Variants in DLG2 observed in about 807,000 individuals in gnomAD.
DLG2 encodes the protein discs large MAGUK scaffold protein 2.
A neutral mutation model predicts 132.5 loss-of-function variants in DLG2; 45 were observed. The ratio of observed to expected loss-of-function variants is 0.34; its 90% confidence interval spans 0.27 to 0.44. DLG2 has a LOEUF of 0.44. Ranked by LOEUF, DLG2 falls within the 20% of genes least tolerant of loss-of-function variation. The pLI is 1.00. For missense variants in DLG2, 1,045 were observed against 1,196.9 expected (o/e 0.87, Z 1.87); for synonymous variants, 424 against 419.6 (o/e 1.01, Z -0.13).
intron 3 of DLG2, among the ~76,000 whole-genome samples, chr11:85,451,318 G>A (rs979543366): frequency 6.6e-6 from 1 of 152,208 alleles, no homozygotes. Context: ...AGCAGACCAA[G>A]TCACCAACAT....
intron 7 of DLG2, among the ~76,000 whole-genome samples, chr11:84,508,336 A>T (rs188495727): frequency 1.3e-5 from 2 of 150,682 alleles, no homozygotes; most frequent in East Asian, 3.9e-4. Flanking sequence ...TCTCTCTCCA[A>T]TATATTGTGC....
chr11:84,274,966 C>A (rs1459418448), intron 7 of DLG2, among the ~76,000 whole-genome samples: 1 of 152,168 alleles, frequency 6.6e-6, no homozygotes, highest in Non-Finnish European at 1.5e-5. Context: ...GACCAGCCAG[C>A]CCACAACTTT....
intron 6 of DLG2, among the ~76,000 whole-genome samples, chr11:85,063,717 C>A (rs951476601): frequency 6.6e-6 from 1 of 151,532 alleles, no homozygotes; most frequent in African/African-American, 2.4e-5. Context: ...AATATAAAAT[C>A]TAGGCTGTAA....
chr11:85,406,353 A>G (rs745972583), intron 3 of DLG2, among the ~76,000 whole-genome samples: 16 of 151,940 alleles, frequency 1.1e-4, no homozygotes, highest in Admixed American at 3.3e-4. Flanking sequence ...GCTTCATGAG[A>G]GAATCTCAGA....
chr11:84,417,530 G>A (rs889840763), intron 7 of DLG2, among the ~76,000 whole-genome samples: 5 of 152,002 alleles, frequency 3.3e-5, no homozygotes, highest in African/African-American at 1.2e-4. Context: ...TCATCTATTT[G>A]CCTTCCAGGT....
At chr11:84,564,258 T>A (rs972379150) in intron 6 of DLG2, among the ~76,000 whole-genome samples, 3 of 152,210 alleles carry the variant, frequency 2.0e-5, no homozygotes, top group African/African-American at 7.2e-5. Context: ...TTGCCTCTTA[T>A]GCCTGTTACA....
intron 3 of DLG2, among the ~76,000 whole-genome samples, chr11:85,313,967 T>C (rs1186000739): frequency 1.3e-5 from 2 of 152,004 alleles, no homozygotes; most frequent in African/African-American, 4.8e-5. Flanking sequence ...ACTCCCTCTG[T>C]GTTTAAAATT....
chr11:84,852,942 T>C (rs1054809020), intron 6 of DLG2, among the ~76,000 whole-genome samples: 2 of 152,054 alleles, frequency 1.3e-5, no homozygotes, highest in African/African-American at 4.8e-5. Flanking sequence ...AAAGCTAAAC[T>C]TACTTTTTAA....
intron 6 of DLG2, among the ~76,000 whole-genome samples, chr11:84,691,652 T>G (rs1175290193): frequency 3.3e-5 from 5 of 151,610 alleles, no homozygotes; most frequent in African/African-American, 4.8e-5. Flanking sequence ...TTAATTCAGT[T>G]TAGCTTTTTT....
At chr11:85,093,170 G>A (rs2069098164) in intron 6 of DLG2, among the ~76,000 whole-genome samples, 2 of 152,164 alleles carry the variant, frequency 1.3e-5, no homozygotes, top group Admixed American at 1.3e-4. Flanking sequence ...ATCAGCAAGT[G>A]TTATTGATTC....
intron 6 of DLG2, among the ~76,000 whole-genome samples, chr11:84,824,040 C>T (rs1269290334): frequency 6.6e-6 from 1 of 151,880 alleles, no homozygotes; most frequent in Non-Finnish European, 1.5e-5. Context: ...AACTAACAAA[C>T]TGGCATTGGG....
At chr11:85,129,527 T>C (rs559033260) in intron 5 of DLG2, among the ~76,000 whole-genome samples, 1 of 152,338 alleles carries the variant, frequency 6.6e-6, no homozygotes, top group Non-Finnish European at 1.5e-5. Flanking sequence ...GGTTTTGATT[T>C]GCATTTCTCT....
At chr11:83,682,242 C>T (rs2078953950) in intron 18 of DLG2, 2 of 985,390 alleles carry the variant, frequency 2.0e-6, no homozygotes, top group Non-Finnish European at 1.2e-6. Flanking sequence ...CCAGGTTCTC[C>T]TGTCTGCTGT....
At chr11:83,530,096 G>A (rs140000191) in intron 21 of DLG2, among the ~76,000 whole-genome samples, 3,825 of 149,904 alleles carry the variant, frequency 0.026, 156 homozygotes, top group African/African-American at 0.088. Flanking sequence ...CTGTCTGTCT[G>A]TCTATCTATC....
At chr11:84,699,502 T>C (rs2058979931) in intron 6 of DLG2, among the ~76,000 whole-genome samples, 1 of 151,500 alleles carries the variant, frequency 6.6e-6, no homozygotes, top group African/African-American at 2.4e-5. Flanking sequence ...GAAGAGTGAC[T>C]AATCCTAGAC....
At chr11:84,193,603 G>A (rs2096457375) in intron 8 of DLG2, among the ~76,000 whole-genome samples, 1 of 152,120 alleles carries the variant, frequency 6.6e-6, no homozygotes, top group African/African-American at 2.4e-5. Context: ...TTCCACTTTT[G>A]ATTAAACCTC....
chr11:84,365,693 G>C (rs2098678003), intron 7 of DLG2, among the ~76,000 whole-genome samples: 1 of 151,778 alleles, frequency 6.6e-6, no homozygotes, highest in Non-Finnish European at 1.5e-5. Context: ...GTGTGTCCCA[G>C]AGATTCTGGT....
At chr11:85,099,946 A>G (rs976235762) in intron 6 of DLG2, among the ~76,000 whole-genome samples, 19 of 152,188 alleles carry the variant, frequency 1.2e-4, no homozygotes, top group Admixed American at 8.5e-4. Context: ...CTTCATCACC[A>G]AAGGCTAGAA....
At chr11:85,074,900 A>G (rs939670816) in intron 6 of DLG2, among the ~76,000 whole-genome samples, 5 of 151,954 alleles carry the variant, frequency 3.3e-5, no homozygotes, top group Non-Finnish European at 7.4e-5. Context: ...GAGATGCTCT[A>G]TGGCAATAGG....
Sources: allele counts gnomAD v4.1 joint callset (sites outside exome capture counted in the v4.1 genomes callset), GRCh38; gene constraint gnomAD v4.1.1; transcripts MANE v1.5; gene names NCBI Gene and HGNC (gene_info 2026-07-23, HGNC 2026-07-21).